Variants in MAN2B2 observed in about 807,000 individuals in gnomAD.
The protein encoded by MAN2B2 is mannosidase alpha class 2B member 2, also known as epididymis-specific alpha-mannosidase.
MAN2B2 carries 106 observed loss-of-function variants against 117.1 expected under a neutral mutation model. That is an observed-to-expected ratio of 0.90 (90% confidence interval 0.77 to 1.06). The LOEUF (loss-of-function observed/expected upper bound fraction) is 1.06. MAN2B2 is among the 50% of genes least tolerant of loss of function. The probability of loss-of-function intolerance (pLI) is 0.00; values close to 1 mark genes in which losing one functional copy is unlikely to be tolerated. For synonymous variants in MAN2B2, 544 were observed against 595.1 expected (o/e 0.91, Z 1.25); for missense variants, 1,326 against 1,381.4 (o/e 0.96, Z 0.64).
chr4:6,578,378 C>T lies in MAN2B2; in HGVS notation c.286-15C>T. On this transcript the variant is annotated splice_polypyrimidine_tract_variant and intron_variant, in intron 2 of 18. Coordinates refer to ENST00000285599, the MANE Select transcript of MAN2B2 (RefSeq NM_015274.3). Reference sequence around the variant, plus strand: ...GCCGTAACTGGCTTTTTTCTCTCTGCCTGCCCATGTCAAGGTCCGCCAGCT... The same window carrying T: ...GCCGTAACTGGCTTTTTTCTCTCTGTCTGCCCATGTCAAGGTCCGCCAGCT... 5 of 1,603,372 alleles carry T rather than the reference C, an allele frequency of 3.1e-6. No homozygotes were observed. The highest frequency in any genetic ancestry group is 1.1e-5 in the South Asian group (1 of 89,872).
intron 5 of MAN2B2, among the ~76,000 whole-genome samples, chr4:6,589,888 T>G (rs1389270567): frequency 6.6e-6 from 1 of 152,084 alleles, no homozygotes; most frequent in Non-Finnish European, 1.5e-5. Flanking sequence ...AAAACCAGCC[T>G]GGGCTTCCTA....
chr4:6,592,053 C>T (rs4446405), intron 5 of MAN2B2, among the ~76,000 whole-genome samples: 1,605 of 152,316 alleles, frequency 0.011, 11 homozygotes, highest in Non-Finnish European at 0.018. Flanking sequence ...GCAGCCTCCA[C>T]GTGGTGGCAG....
At chr4:6,578,569 CCCCA>C in intron 3 of MAN2B2, 71 bp downstream of exon 3, 3 of 1,321,452 alleles carry the variant, frequency 2.3e-6, no homozygotes, top group East Asian at 2.5e-5. Flanking sequence ...GTATCAGAAC[CCCCA>C]GGTTCTGAGC....
At position 6,615,812 on chromosome 4, in the gene MAN2B2, T is replaced by C. The variant is rs1269369545; in HGVS notation, c.2701+1457T>C. Reference sequence around the variant, plus strand: ...AAGACCCTGTCTCTAAAAAAATTTTTTTTTTCTTTGAGACAGAGTCTCAAT... The same window carrying C: ...AAGACCCTGTCTCTAAAAAAATTTTCTTTTTCTTTGAGACAGAGTCTCAAT... On this transcript the variant is annotated intron_variant, in intron 16 of 18. Coordinates refer to ENST00000285599, the MANE Select transcript of MAN2B2 (RefSeq NM_015274.3). Among the ~76,000 whole-genome samples, 3 of 151,686 alleles carry C rather than the reference T, an allele frequency of 2.0e-5. No homozygotes were observed. The East Asian group carries it at 5.9e-4, about 30-fold the overall frequency.
chr4:6,613,965 T>C (rs940300419), intron 15 of MAN2B2, among the ~76,000 whole-genome samples: 2 of 152,186 alleles, frequency 1.3e-5, no homozygotes, highest in Non-Finnish European at 2.9e-5. Context: ...TCGTCTCTAC[T>C]TTGAGATGGT....
chr4:6,598,928 G>A (rs1001720953), intron 9 of MAN2B2, among the ~76,000 whole-genome samples: 1 of 152,246 alleles, frequency 6.6e-6, no homozygotes, highest in Non-Finnish European at 1.5e-5. Flanking sequence ...TTTCCCACGT[G>A]TAGAGTGACT....
chr4:6,591,272 G>A lies in MAN2B2; in HGVS notation c.681-1901G>A, dbSNP rs558268599. Among the ~76,000 whole-genome samples the A allele has an allele frequency of 3.0e-4, 45 of 152,320 alleles. 1 individual carries two copies. The highest frequency in any genetic ancestry group is 9.9e-4 in the African/African-American group (41 of 41,576). ...TGTCCAATCACCTCCCGTTCACCCC[G>A]TGGTGAGGGAGGGGTCCTCACCCTA... On this transcript the variant is annotated intron_variant, in intron 5 of 18. Transcript: ENST00000285599.
Position 6,578,361 on chromosome 4 carries a change from T to C in MAN2B2, c.286-32T>C, listed in dbSNP as rs751740302. 4.0e-5 allele frequency: 63 copies of C among 1,562,042 alleles called. 1 individual carries two copies. The highest frequency in any genetic ancestry group is 2.6e-4 in the Admixed American group (15 of 58,566). On this transcript the variant is annotated intron_variant, in intron 2 of 18. Transcript: ENST00000285599. ...CCCAGCCATGCTCAGGAGCCGTAACTGGCTTTTTTCTCTCTGCCTGCCCAT... is the reference window on the plus strand; with the variant it reads ...CCCAGCCATGCTCAGGAGCCGTAACCGGCTTTTTTCTCTCTGCCTGCCCAT...
intron 17 of MAN2B2, chr4:6,619,259 C>G (rs1712044752): frequency 6.6e-6 from 1 of 152,492 alleles, no homozygotes; most frequent in South Asian, 2.1e-4. Context: ...GGCCCGATCA[C>G]TGTCATCTTC....
chr4:6,621,029 G>T, intron 18 of MAN2B2, 159 bp from the exon 19 acceptor site: 2 of 595,084 alleles, frequency 3.4e-6, no homozygotes, highest in East Asian at 5.7e-5. Context: ...GCAGTGTGGT[G>T]AGAAGGAGGC....
Position 6,622,236 on chromosome 4 carries a change from T to A in MAN2B2, c.*951T>A, listed in dbSNP as rs1387249770. ...TGTCCAGAATAGGCAAATCTGTGTATCAGAGACAAAGCACATTGGTGGTTG... is the reference window on the plus strand; with the variant it reads ...TGTCCAGAATAGGCAAATCTGTGTAACAGAGACAAAGCACATTGGTGGTTG... On this transcript the variant is annotated 3_prime_UTR_variant, in exon 19 of 19. Transcript: ENST00000285599. The A allele has an allele frequency of 6.6e-6, 1 of 152,206 alleles. No individual in the cohort carries two copies. The highest frequency in any genetic ancestry group is 1.5e-5 in the Non-Finnish European group (1 of 68,042). The allele number at this position is 152,206 out of a possible 1,614,324, so 9.4% of individuals were successfully genotyped here.
intron 9 of MAN2B2, among the ~76,000 whole-genome samples, chr4:6,600,251 C>G (rs11943337): frequency 0.49 from 74,707 of 152,098 alleles, 18,587 homozygotes; most frequent in East Asian, 0.64. Context: ...CAAAGCTTTG[C>G]AGCCAGGCCT....
intron 8 of MAN2B2, among the ~76,000 whole-genome samples, chr4:6,597,779 T>TC (rs1471539024): frequency 2.0e-5 from 3 of 152,178 alleles, no homozygotes; most frequent in African/African-American, 7.2e-5. Flanking sequence ...AGTTTCCGTC[T>TC]CCACCCATCC....
In MAN2B2 at chr4:6,598,274, G is replaced by A. The variant is rs1415573347; in HGVS notation, c.1325G>A (p.Gly442Glu). The A allele has an allele frequency of 6.2e-7, 1 of 1,613,708 alleles. No homozygotes were observed. Among genetic ancestry groups the A allele is most frequent in the Non-Finnish European group, 8.5e-7 (1 of 1,180,032 alleles). ...RDMYATHLAS[G>E]MLGMRKLMAS... ...ATGTACGCAACGCACCTGGCCTCGG[G>A]GATGCTGGGCATGCGCAAGCTGATG... The change falls in exon 9 of 19, where the codon GGG (glycine) becomes GAG (glutamate). Residue 442 changes from glycine (G) to glutamate (E), a missense_variant. By Grantham distance (98) the Gly-to-Glu change is moderately conservative. Coordinates refer to ENST00000285599, the MANE Select transcript of MAN2B2 (RefSeq NM_015274.3).
At chr4:6,600,442 T>C (rs1727282591) in intron 9 of MAN2B2, among the ~76,000 whole-genome samples, 181 bp from the exon 10 acceptor site, 1 of 152,252 alleles carries the variant, frequency 6.6e-6, no homozygotes, top group Non-Finnish European at 1.5e-5. Flanking sequence ...CTGCAGAATG[T>C]AGCCCACGCT....
chr4:6,607,567 C>A (rs1465136880), intron 11 of MAN2B2, among the ~76,000 whole-genome samples: 3 of 152,200 alleles, frequency 2.0e-5, no homozygotes, highest in African/African-American at 7.2e-5. Flanking sequence ...GTACTTCGTT[C>A]CTTTTCATGG....
intron 10 of MAN2B2, among the ~76,000 whole-genome samples, chr4:6,604,175 G>A (rs1451591380): frequency 6.6e-6 from 1 of 152,190 alleles, no homozygotes; most frequent in Non-Finnish European, 1.5e-5. Context: ...GGAGCCCCAA[G>A]GGCCAGAGGA....
chr4:6,584,271 C>G (rs993299038), intron 3 of MAN2B2, among the ~76,000 whole-genome samples: 2 of 152,204 alleles, frequency 1.3e-5, no homozygotes, highest in Non-Finnish European at 2.9e-5. Context: ...TAGTTTGGGA[C>G]TGGTTCTGCA....
Position 6,600,844 on chromosome 4 carries a change from G to A in MAN2B2, c.1539+88G>A, listed in dbSNP as rs1312716759. The A allele has an allele frequency of 4.0e-6, 6 of 1,496,426 alleles. No individual in the cohort carries two copies. In the East Asian group the frequency reaches 1.4e-4, roughly 35 times the overall value. 92.7% of individuals were successfully genotyped at this position (1,496,426 alleles called of 1,614,324 possible). ...CACATTGTCTCTTCTGACCCTGCAA[G>A]GGAGGCCTTATCACCTTTGTTTTAC... On this transcript the variant is annotated intron_variant, in intron 10 of 18. Transcript: ENST00000285599.
Sources: gnomAD v4.1 joint callset for allele counts (sites outside exome capture counted in the v4.1 genomes callset) on GRCh38, gnomAD v4.1.1 for gene constraint, MANE v1.5 for transcripts, NCBI Gene and HGNC (gene_info 2026-07-23, HGNC 2026-07-21) for gene names.